Variants in IL17F observed in about 807,000 individuals in gnomAD.
IL17F encodes interleukin 17F, also known as interleukin-17F.
Under a neutral mutation model 8.3 loss-of-function variants are expected in IL17F, and 6 were observed. The ratio of observed to expected loss-of-function variants is 0.73; its 90% CI spans 0.40 to 1.43. The LOEUF is 1.43. Among genes scored for constraint, IL17F ranks in the 40% most tolerant of loss-of-function variants. The pLI, the probability that IL17F is intolerant of heterozygous loss-of-function variation, is 0.02. For synonymous variants in IL17F, 98 were observed against 81.6 expected, an observed-to-expected ratio of 1.20 and a Z score of -1.08; for missense variants, 204 against 209.6, an observed-to-expected ratio of 0.97 and a Z score of 0.17.
chr6:52,240,650 G>A (rs1184015678), intron 1 of IL17F, among the ~76,000 whole-genome samples: 3 of 152,106 alleles, frequency 2.0e-5, no homozygotes, highest in South Asian at 2.1e-4. Flanking sequence ...CCATACTGAG[G>A]AAGCTGACAC....
At chr6:52,242,297 G>A (rs1293332245) in intron 1 of IL17F, among the ~76,000 whole-genome samples, 1 of 152,190 alleles carries the variant, frequency 6.6e-6, no homozygotes, top group Non-Finnish European at 1.5e-5. Context: ...TCTAATGTGA[G>A]CTCACCTGAG....
At chr6:52,240,843 A>AG (rs1329265425) in intron 1 of IL17F, among the ~76,000 whole-genome samples, 3 of 151,952 alleles carry the variant, frequency 2.0e-5, no homozygotes, top group African/African-American at 4.8e-5. Flanking sequence ...CAGGGTCTGT[A>AG]ACTCAATTCC....
Position 52,236,851 on chromosome 6 carries a change from G to A in IL17F, c.*80C>T. 1 of 1,083,764 alleles carries A rather than the reference G, an allele frequency of 9.2e-7. No individual in the cohort carries two copies. The highest frequency in any genetic ancestry group is 1.4e-6 in the Non-Finnish European group (1 of 697,420). 67.1% of individuals were successfully genotyped at this position (1,083,764 alleles called of 1,614,324 possible). ...GTCCTGTGAAGTGGAGGGAATTGGG[G>A]GTCAGACAGGACTTGTTGCAGAGCA... On this transcript the variant is annotated 3_prime_UTR_variant, in exon 3 of 3. Coordinates refer to ENST00000336123, the MANE Select transcript of IL17F (RefSeq NM_052872.4).
intron 1 of IL17F, among the ~76,000 whole-genome samples, chr6:52,240,431 C>T (rs1403398796): frequency 1.7e-5 from 2 of 120,174 alleles, no homozygotes; most frequent in Non-Finnish European, 3.3e-5. Context: ...TGCGAGACTC[C>T]TGCTTGGAAA....
At chr6:52,243,403 T>C (rs1764105371) in intron 1 of IL17F, among the ~76,000 whole-genome samples, 1 of 152,140 alleles carries the variant, frequency 6.6e-6, no homozygotes, top group Non-Finnish European at 1.5e-5. Flanking sequence ...CCAAGAAGAA[T>C]GAGATGGTAC....
intron 1 of IL17F, among the ~76,000 whole-genome samples, chr6:52,240,796 G>A (rs1164430752): frequency 2.0e-5 from 3 of 151,866 alleles, no homozygotes; most frequent in Non-Finnish European, 4.4e-5. Flanking sequence ...ACTTTACAGT[G>A]TGGTAGCTCA....
At chr6:52,239,239 T>C (rs1764026107) in intron 1 of IL17F, 2 of 407,960 alleles carry the variant, frequency 4.9e-6, no homozygotes, top group Non-Finnish European at 9.0e-6. Flanking sequence ...TAAAATCCTA[T>C]CCTGGCTTCC....
chr6:52,244,512 G>A (rs982448217), upstream of IL17F: 15 of 1,297,770 alleles, frequency 1.2e-5, no homozygotes, highest in Admixed American at 1.7e-5. Context: ...ATCAATGAGA[G>A]TACCTGTTAG....
In IL17F at chr6:52,243,739, G is replaced by A. The variant is rs554760761; in HGVS notation, c.33+658C>T. Among the ~76,000 whole-genome samples the A allele has an allele frequency of 4.6e-5, 7 of 152,224 alleles. No individual in the cohort carries two copies. In the South Asian group the frequency reaches 1.5e-3, roughly 32 times the overall value. Reference sequence around the variant, plus strand: ...ACCTGGGCACACACTAACACCACCTGGGCAAAAGCCATTGGGTGAGGAGCT... The same window carrying A: ...ACCTGGGCACACACTAACACCACCTAGGCAAAAGCCATTGGGTGAGGAGCT... On this transcript the variant is annotated intron_variant, in intron 1 of 2. Coordinates refer to ENST00000336123, the MANE Select transcript of IL17F (RefSeq NM_052872.4).
At chr6:52,239,134 A>G in intron 1 of IL17F, 184 bp from the exon 2 acceptor site, 1 of 625,564 alleles carries the variant, frequency 1.6e-6, no homozygotes, top group Non-Finnish European at 2.9e-6. Context: ...CAAACTGAGA[A>G]CTAAACTCAG....
chr6:52,241,117 C>T (rs766725106), intron 1 of IL17F, among the ~76,000 whole-genome samples: 138 of 151,988 alleles, frequency 9.1e-4, no homozygotes, highest in Non-Finnish European at 1.5e-3. Context: ...CTCACTCTGT[C>T]GCCCAGGCTG....
chr6:52,238,892 C>T lies in IL17F; in HGVS notation c.92G>A (p.Arg31Gln), dbSNP rs754531850. 18 of 1,613,804 alleles carry T rather than the reference C, an allele frequency of 1.1e-5. No individual in the cohort carries two copies. Among genetic ancestry groups the T allele is most frequent in the South Asian group, 4.4e-5 (4 of 91,060 alleles). Residue 31 changes from arginine to glutamine, a missense_variant, in exon 2 of 3, where the codon CGG becomes CAG. Arg to Gln is a conservative substitution (Grantham distance 43, BLOSUM62 1). Transcript: ENST00000336123. ...GLAFLSEAAA[R>Q]KIPKVGHTFF... is the part of the protein sequence containing the mutation. Reference sequence around the variant, plus strand: ...AGTATGTCCTACTTTGGGGATTTTCCGAGCTGCCGCCTCACTCAGAAAGGC... The same window carrying T: ...AGTATGTCCTACTTTGGGGATTTTCTGAGCTGCCGCCTCACTCAGAAAGGC...
At chr6:52,237,447 C>G (rs1763985133) in intron 2 of IL17F, among the ~76,000 whole-genome samples, 1 of 152,120 alleles carries the variant, frequency 6.6e-6, no homozygotes. Flanking sequence ...ATAAAATACC[C>G]CACTGTACAA....
chr6:52,241,941 G>T (rs1311472151), intron 1 of IL17F, among the ~76,000 whole-genome samples: 1 of 152,168 alleles, frequency 6.6e-6, no homozygotes, highest in African/African-American at 2.4e-5. Context: ...TACTAGATGT[G>T]CATAAGTGTT....
chr6:52,244,926 A>C (rs1165257214), upstream of IL17F, among the ~76,000 whole-genome samples: 1 of 152,186 alleles, frequency 6.6e-6, no homozygotes, highest in Non-Finnish European at 1.5e-5. Flanking sequence ...AACTATCTTT[A>C]CCTCCATTTT....
intron 1 of IL17F, 66 bp from the exon 2 acceptor site, chr6:52,239,016 T>G: frequency 7.1e-7 from 1 of 1,399,272 alleles, no homozygotes; most frequent in Non-Finnish European, 1.0e-6. Flanking sequence ...AGATGCATGG[T>G]CTGGCGGAAC....
At chr6:52,244,822 C>G (rs1035248674), upstream of IL17F, among the ~76,000 whole-genome samples, 1 of 152,174 alleles carries the variant, frequency 6.6e-6, no homozygotes, top group Non-Finnish European at 1.5e-5. Flanking sequence ...TGCCAACACC[C>G]TTGTCACGGA....
At chr6:52,242,518 T>C (rs1764092650) in intron 1 of IL17F, among the ~76,000 whole-genome samples, 17 of 152,252 alleles carry the variant, frequency 1.1e-4, no homozygotes, top group Admixed American at 1.1e-3. Flanking sequence ...TTAAGGAAAC[T>C]AGAATTAGAA....
At position 52,236,874 on chromosome 6, in the gene IL17F, G is replaced by T; in HGVS notation, c.*57C>A. The T allele has an allele frequency of 2.2e-6, 3 of 1,369,038 alleles. No homozygotes were observed. The highest frequency in any genetic ancestry group is 3.1e-6 in the Non-Finnish European group (3 of 957,070). The allele number at this position is 1,369,038 out of a possible 1,614,324, so 84.8% of individuals were successfully genotyped here. The stretch of plus-strand genomic sequence containing the variant: ...GGGGTCAGACAGGACTTGTTGCAGA[G>T]CACTGGGTAAGGAGTGGCATTTCTA... On this transcript the variant is annotated 3_prime_UTR_variant, in exon 3 of 3. Transcript: ENST00000336123.
Sources: allele counts gnomAD v4.1 joint callset (sites outside exome capture counted in the v4.1 genomes callset), GRCh38; gene constraint gnomAD v4.1.1; transcripts MANE v1.5; gene names NCBI Gene and HGNC (gene_info 2026-07-23, HGNC 2026-07-21).